The following FANCB variants were observed in gnomAD, a reference collection of about 807,000 sequenced individuals.
FANCB encodes the protein FA complementation group B.
Under a neutral mutation model 38.9 loss-of-function variants are expected in FANCB, and 5 were observed. That is an observed-to-expected ratio of 0.13 (90% CI 0.07 to 0.27). The LOEUF (loss-of-function observed/expected upper bound fraction) is 0.27, where lower values mean the gene tolerates loss of function less well. FANCB is among the 10% of genes least tolerant of loss of function. FANCB has a pLI of 1.00. For synonymous variants in FANCB, 236 were observed against 215.4 expected (o/e 1.10, Z -0.84); for missense variants, 573 against 602.7 (o/e 0.95, Z 0.52).
At chrX:14,733,241 G>GTA in the FANCB span, among the ~76,000 whole-genome samples, 1 of 111,489 alleles carries the variant, frequency 9.0e-6, no homozygotes, top group Non-Finnish European at 1.9e-5. Flanking sequence ...CTCTGTTTTG[G>GTA]TACCAGTACC....
rs142959373 is a variant in FANCB, at chrX:14,845,014, A to G, written c.1769T>C (p.Phe590Ser). Reference protein sequence around the residue: ...AVTSLSPLLTFSKFCCTVLLQ... With the variant: ...AVTSLSPLLTSSKFCCTVLLQ... The stretch of plus-strand genomic sequence containing the variant: ...CAGTACAGTGCAACAAAATTTACTG[A>G]ATGTTAAAAGTGGTGAAAGAGATGT... The change falls in exon 8 of 10, where the codon TTC becomes TCC. Residue 590 changes from phenylalanine to serine, a missense_variant. By Grantham distance (155) the Phe-to-Ser change is radical. Coordinates refer to ENST00000650831, the MANE Select transcript of FANCB (RefSeq NM_001018113.3). The G allele has an allele frequency of 1.5e-3, 1,808 of 1,208,655 alleles. 5 individuals carry two copies. The highest frequency in any genetic ancestry group is 3.5e-3 in the Middle Eastern group (15 of 4,346).
At chrX:14,825,491 T>G in the FANCB span, among the ~76,000 whole-genome samples, 1 of 112,230 alleles carries the variant, frequency 8.9e-6, no homozygotes, top group Admixed American at 9.5e-5. Context: ...TCATTCATTG[T>G]TTTTAATTTC....
chrX:14,861,994 G>A lies in FANCB; in HGVS notation c.951+2566C>T, dbSNP rs756782400. Among the ~76,000 whole-genome samples the A allele has an allele frequency of 4.5e-5, 5 of 111,982 alleles. No individual in the cohort carries two copies. In the East Asian group the frequency reaches 1.1e-3, roughly 25 times the overall value. On this transcript the variant is annotated intron_variant, in intron 3 of 9. Coordinates refer to ENST00000650831, the MANE Select transcript of FANCB (RefSeq NM_001018113.3). The stretch of plus-strand genomic sequence containing the variant: ...TGAGTAGCTGGGACTACAGGCATGC[G>A]CCATGTTGGCCAAGCTGCTCTTGAA...
the FANCB span, among the ~76,000 whole-genome samples, chrX:14,773,634 C>A: frequency 8.9e-6 from 1 of 111,911 alleles, no homozygotes; most frequent in Non-Finnish European, 1.9e-5. Flanking sequence ...GAAAGGAATA[C>A]TGAACCTTTA....
rs748284861 is a variant in FANCB, at chrX:14,865,349, T to C, written c.162A>G (p.Thr54=). 2.0e-5 allele frequency: 24 copies of C among 1,189,977 alleles called. No individual in the cohort carries two copies. The highest frequency in any genetic ancestry group is 2.6e-5 in the Non-Finnish European group (23 of 885,898). Residue 54 remains threonine (T), a synonymous_variant, in exon 3 of 10, where the codon ACA becomes ACG. Coordinates refer to ENST00000650831, the MANE Select transcript of FANCB (RefSeq NM_001018113.3). ...HVRRMVFDRG[T]KVFVQKSTGF... ...CAGTGGACTTCTGAACAAATACTTTTGTTCCTCTGTCAAATACCATTCTTC... is the reference window on the plus strand; with the variant it reads ...CAGTGGACTTCTGAACAAATACTTTCGTTCCTCTGTCAAATACCATTCTTC...
the FANCB span, chrX:14,690,698 T>C: frequency 8.8e-7 from 1 of 1,132,927 alleles, no homozygotes; most frequent in Non-Finnish European, 1.2e-6. Flanking sequence ...TGTGTCTCTC[T>C]CTCTCTCTCA....
At chrX:14,720,981 C>T in the FANCB span, among the ~76,000 whole-genome samples, 1 of 109,335 alleles carries the variant, frequency 9.1e-6, no homozygotes, top group Non-Finnish European at 1.9e-5. Context: ...AAAAAATTAG[C>T]CAGACATGGT....
At chrX:14,792,186 T>G in the FANCB span, among the ~76,000 whole-genome samples, 4 of 112,143 alleles carry the variant, frequency 3.6e-5, no homozygotes, top group African/African-American at 9.7e-5. Context: ...GTCAGGAATA[T>G]CTTGCTAAGA....
chrX:14,836,960 C>CT (rs2092342792), intron 10 of FANCB, among the ~76,000 whole-genome samples: 1 of 111,979 alleles, frequency 8.9e-6, no homozygotes, highest in African/African-American at 3.3e-5. Context: ...TGCAAGCTTT[C>CT]TGAAAACCAA....
chrX:14,804,301 G>T, the FANCB span, among the ~76,000 whole-genome samples: 1 of 112,186 alleles, frequency 8.9e-6, no homozygotes, highest in African/African-American at 3.2e-5. Flanking sequence ...ATACTATGCA[G>T]CCATAAAAAA....
the FANCB span, among the ~76,000 whole-genome samples, chrX:14,765,722 A>T: frequency 8.9e-6 from 1 of 112,280 alleles, no homozygotes; most frequent in Non-Finnish European, 1.9e-5. Context: ...AATGCTGATG[A>T]CAGGCAAGTG....
chrX:14,834,325 A>G (rs2092335359), downstream of FANCB, among the ~76,000 whole-genome samples: 1 of 112,401 alleles, frequency 8.9e-6, no homozygotes, highest in East Asian at 2.8e-4. Flanking sequence ...TGGACAACAC[A>G]TTCTTCACAA....
At chrX:14,863,676 A>G (rs1317210866) in intron 3 of FANCB, among the ~76,000 whole-genome samples, 1 of 112,530 alleles carries the variant, frequency 8.9e-6, no homozygotes, top group African/African-American at 3.2e-5. Context: ...ATTTCAAAAT[A>G]TAACATAATA....
chrX:14,695,231 A>C, the FANCB span, among the ~76,000 whole-genome samples: 2 of 111,705 alleles, frequency 1.8e-5, no homozygotes, highest in African/African-American at 6.5e-5. Context: ...GGGCAGAAAA[A>C]GGAACAAAGG....
At chrX:14,867,284 G>T (rs2092473663) in intron 2 of FANCB, among the ~76,000 whole-genome samples, 1 of 111,319 alleles carries the variant, frequency 9.0e-6, no homozygotes, top group Non-Finnish European at 1.9e-5. Flanking sequence ...AAGCAATACT[G>T]AGCAAAAAGA....
At chrX:14,696,284 G>A in the FANCB span, among the ~76,000 whole-genome samples, 1 of 109,836 alleles carries the variant, frequency 9.1e-6, no homozygotes, top group Non-Finnish European at 1.9e-5. Flanking sequence ...TAGTTGCAGT[G>A]ATGAACCAGA....
At chrX:14,834,954 G>C, downstream of FANCB, 1 of 817,420 alleles carries the variant, frequency 1.2e-6, no homozygotes, top group Non-Finnish European at 1.8e-6. Flanking sequence ...TTCTGACTCT[G>C]CATCTTCCTC....
At chrX:14,741,881 T>C in the FANCB span, among the ~76,000 whole-genome samples, 2 of 111,562 alleles carry the variant, frequency 1.8e-5, no homozygotes, top group African/African-American at 6.5e-5. Flanking sequence ...TAATGTCCAA[T>C]AGAGTTCATA....
chrX:14,848,626 C>T (rs1373061956), intron 7 of FANCB, among the ~76,000 whole-genome samples: 9 of 111,662 alleles, frequency 8.1e-5, no homozygotes, highest in East Asian at 2.8e-4. Context: ...CATAGGTTAT[C>T]GAAAGATTGT....
Sources: allele counts gnomAD v4.1 joint callset (sites outside exome capture counted in the v4.1 genomes callset), GRCh38; gene constraint gnomAD v4.1.1; transcripts MANE v1.5; gene names NCBI Gene and HGNC (gene_info 2026-07-23, HGNC 2026-07-21).